Variants in CRTAC1 observed in about 807,000 individuals in gnomAD.
CRTAC1 encodes the protein acidic secreted protein in cartilage.
A neutral mutation model predicts 67.8 loss-of-function variants in CRTAC1; 37 were observed. That is an observed-to-expected ratio of 0.55 (90% CI 0.42 to 0.72). The LOEUF (loss-of-function observed/expected upper bound fraction) is 0.72. CRTAC1 is among the 30% of genes least tolerant of loss of function. CRTAC1 has a pLI of 0.00. For missense variants in CRTAC1, 780 were observed against 931.6 expected (o/e 0.84, Z 2.12); for synonymous variants, 348 against 371.0 (o/e 0.94, Z 0.71).
At chr10:97,884,659 A>G in intron 11 of CRTAC1, 1 of 308,578 alleles carries the variant, frequency 3.2e-6, no homozygotes, top group Non-Finnish European at 5.9e-6. Flanking sequence ...TGAATTTTCA[A>G]TTTTATTTAA....
intron 2 of CRTAC1, among the ~76,000 whole-genome samples, chr10:97,986,572 T>C (rs765758771): frequency 1.8e-4 from 28 of 152,222 alleles, no homozygotes; most frequent in Non-Finnish European, 3.7e-4. Flanking sequence ...TCATCTATGA[T>C]ATAACCATAA....
intron 8 of CRTAC1, among the ~76,000 whole-genome samples, chr10:97,901,286 G>A (rs950744923): frequency 3.9e-5 from 6 of 152,202 alleles, no homozygotes; most frequent in South Asian, 2.1e-4. Flanking sequence ...AGCAGAGGCC[G>A]GCTCCTTGGC....
chr10:97,968,539 G>A (rs1047002265), intron 2 of CRTAC1, among the ~76,000 whole-genome samples: 29 of 152,270 alleles, frequency 1.9e-4, no homozygotes, highest in African/African-American at 6.7e-4. Flanking sequence ...CGCCCAGCTT[G>A]CAATTCTTTA....
chr10:97,895,910 G>A lies in CRTAC1; in HGVS notation c.1292C>T (p.Pro431Leu). ...ILSHGESMAQ[P>L]LSVFRGNQGF... ...CTGATTGCCCCGGAAGACGGACAGCGGCTGAGCCATGGACTCTCCATGGGA... is the reference window on the plus strand; with the variant it reads ...CTGATTGCCCCGGAAGACGGACAGCAGCTGAGCCATGGACTCTCCATGGGA... Residue 431 changes from proline to leucine, a missense_variant, in exon 10 of 15, where the codon CCG (proline) becomes CTG (leucine). Transcript: ENST00000370597. This position sits in a 1 kb window ranked among gnomAD's most constrained non-coding sequence, Gnocchi z 4.2. 6.2e-7 allele frequency: 1 copy of A among 1,613,598 alleles called. No individual in the cohort carries two copies. The highest frequency in any genetic ancestry group is 1.3e-5 in the African/African-American group (1 of 75,020).
intron 1 of CRTAC1, among the ~76,000 whole-genome samples, chr10:98,020,981 T>C (rs1277211017): frequency 6.6e-6 from 1 of 152,016 alleles, no homozygotes; most frequent in East Asian, 1.9e-4. Context: ...GTGGCCCAAG[T>C]GAGCAAGAAC....
chr10:97,874,893 T>C (rs1447872670), intron 14 of CRTAC1, among the ~76,000 whole-genome samples: 1 of 152,256 alleles, frequency 6.6e-6, no homozygotes, highest in East Asian at 1.9e-4. Flanking sequence ...TCTCCAGCCC[T>C]CCATAGCACG....
intron 2 of CRTAC1, among the ~76,000 whole-genome samples, chr10:97,947,846 A>C (rs933282062): frequency 6.6e-6 from 1 of 152,200 alleles, no homozygotes; most frequent in African/African-American, 2.4e-5. Context: ...TGAGACTAGG[A>C]GTTTGAAATC....
At chr10:97,904,544 G>T in intron 7 of CRTAC1, 125 bp downstream of exon 7, 1 of 819,342 alleles carries the variant, frequency 1.2e-6, no homozygotes, top group South Asian at 3.0e-5. Context: ...CTCAGCTACC[G>T]GAGTAGCTGG....
Position 98,030,079 on chromosome 10 carries a change from C to A in CRTAC1, c.24+370G>T, listed in dbSNP as rs1465147303. Among the ~76,000 whole-genome samples, 1 of 152,132 alleles carries A rather than the reference C, an allele frequency of 6.6e-6. No homozygotes were observed. Among genetic ancestry groups the A allele is most frequent in the African/African-American group, 2.4e-5 (1 of 41,442 alleles). ...CTGGGAGACTCTCCCGATAGCCCGG[C>A]ACATCCCTCCTCACCCGCTCCGCCC... On this transcript the variant is annotated intron_variant, in intron 1 of 14. Coordinates refer to ENST00000370597, the MANE Select transcript of CRTAC1 (RefSeq NM_018058.7). This position sits in a 1 kb window ranked among gnomAD's most constrained non-coding sequence, Gnocchi z 4.2.
intron 2 of CRTAC1, among the ~76,000 whole-genome samples, chr10:97,940,636 C>T (rs1162969920): frequency 6.6e-6 from 1 of 152,210 alleles, no homozygotes. Flanking sequence ...GGGCAGGGGC[C>T]TGGGGTTTGC....
intron 1 of CRTAC1, among the ~76,000 whole-genome samples, chr10:98,027,259 C>T (rs1463981709): frequency 6.6e-6 from 1 of 152,044 alleles, no homozygotes; most frequent in Non-Finnish European, 1.5e-5. Flanking sequence ...CAGCCAGGCT[C>T]TCGGAACAGA....
chr10:97,926,210 A>G lies in CRTAC1; in HGVS notation c.422-2810T>C, dbSNP rs183706892. ...CCTGCGCTGAGCTGCTGTGGCCTGG[A>G]TGCACAGGGGGGAAACTGAGTTGCG... is the stretch of plus-strand genomic sequence containing the variant. On this transcript the variant is annotated intron_variant, in intron 3 of 14. Transcript: ENST00000370597. 2.0e-5 allele frequency among the ~76,000 whole-genome samples: 3 copies of G among 152,240 alleles called. No homozygotes were observed. In the East Asian group the frequency reaches 5.8e-4, roughly 29 times the overall value.
chr10:97,945,050 T>C lies in CRTAC1; in HGVS notation c.225-8684A>G, dbSNP rs184595520. On this transcript the variant is annotated intron_variant, in intron 2 of 14. Transcript: ENST00000370597. ...AAATAATAAATTGTTTTTAAGCCCC[T>C]AAGTTTTCAGAAAAGAAAGTAGATA... Among the ~76,000 whole-genome samples the C allele has an allele frequency of 2.6e-5, 4 of 152,334 alleles. No homozygotes were observed. The East Asian group carries it at 7.7e-4, about 29-fold the overall frequency.
rs534059691 is a variant in CRTAC1, at chr10:98,029,512, GGCGGCGGCGGCGGCGGCA to G, written c.24+919_24+936del. Among the ~76,000 whole-genome samples the G allele has an allele frequency of 0.035, 5,196 of 149,910 alleles. 313 individuals carry two copies. Among genetic ancestry groups the G allele is most frequent in the African/African-American group, 0.12 (4,894 of 39,850 alleles). Reference sequence around the variant, plus strand: ...CAGCAGCGGCGGCGGCGGCGGCGGCGGCGGCGGCGGCGGCGGCAGCAGCAGCAATATTCATTAGTCATT... The same window carrying G: ...CAGCAGCGGCGGCGGCGGCGGCGGCGGCAGCAGCAATATTCATTAGTCATT... On this transcript the variant is annotated intron_variant, in intron 1 of 14. Transcript: ENST00000370597. This position sits in a 1 kb window ranked among gnomAD's most constrained non-coding sequence, Gnocchi z 4.7.
chr10:97,959,901 A>C (rs2051499210), intron 2 of CRTAC1, among the ~76,000 whole-genome samples: 1 of 152,236 alleles, frequency 6.6e-6, no homozygotes, highest in African/African-American at 2.4e-5. Context: ...CCCAGCAACG[A>C]GTTGTGACAA....
intron 1 of CRTAC1, among the ~76,000 whole-genome samples, chr10:98,023,828 C>G (rs1430008062): frequency 1.3e-5 from 2 of 152,212 alleles, no homozygotes; most frequent in African/African-American, 4.8e-5. Context: ...TCACCTCAGT[C>G]CTCTCAGGGG....
intron 1 of CRTAC1, among the ~76,000 whole-genome samples, chr10:98,027,801 G>A (rs59004321): frequency 0.037 from 5,602 of 152,262 alleles, 361 homozygotes; most frequent in African/African-American, 0.12. Context: ...ATAACTATGA[G>A]TGCCTACTGT....
At chr10:97,909,198 A>T (rs2050654995) in intron 5 of CRTAC1, among the ~76,000 whole-genome samples, 1 of 152,106 alleles carries the variant, frequency 6.6e-6, no homozygotes, top group Non-Finnish European at 1.5e-5. Context: ...CGTCCTGAAC[A>T]AACCACCCCC....
chr10:97,908,603 A>G (rs1406714460), intron 5 of CRTAC1, among the ~76,000 whole-genome samples: 1 of 152,226 alleles, frequency 6.6e-6, no homozygotes, highest in African/African-American at 2.4e-5. Flanking sequence ...CTATAGGGAT[A>G]GGTCCCAGCT....
Sources: allele counts gnomAD v4.1 joint callset (sites outside exome capture counted in the v4.1 genomes callset), GRCh38; gene constraint gnomAD v4.1.1; non-coding constraint Gnocchi (gnomAD v3.1); transcripts MANE v1.5; gene names NCBI Gene and HGNC (gene_info 2026-07-23, HGNC 2026-07-21).